PRKD1: variants seen among roughly 807,000 people sequenced by gnomAD.
PRKD1 encodes protein kinase D1, also known as serine/threonine-protein kinase D1.
In PRKD1, 63 loss-of-function variants were observed where a neutral mutation model predicts 95.9. The ratio of observed to expected loss-of-function variants is 0.66; its 90% confidence interval spans 0.54 to 0.81. The LOEUF (loss-of-function observed/expected upper bound fraction) is 0.81. PRKD1 is among the 30% of genes least tolerant of loss of function. The probability of loss-of-function intolerance (pLI) is 0.00; values close to 1 mark genes in which losing one functional copy is unlikely to be tolerated. For synonymous variants in PRKD1, 425 were observed against 423.1 expected, an observed-to-expected ratio of 1.00 and a Z score of -0.05; for missense variants, 1,048 against 1,165.3, an observed-to-expected ratio of 0.90 and a Z score of 1.47.
chr14:29,750,616 G>GCGCACACACACA (rs72239992), intron 1 of PRKD1, among the ~76,000 whole-genome samples: 3 of 148,482 alleles, frequency 2.0e-5, no homozygotes, highest in Non-Finnish European at 3.0e-5. Flanking sequence ...ATGAACGCGC[G>GCGCACACACACA]CACACACACA....
intron 1 of PRKD1, among the ~76,000 whole-genome samples, chr14:29,854,897 C>A (rs1892439090): frequency 1.3e-5 from 2 of 152,190 alleles, no homozygotes; most frequent in Non-Finnish European, 2.9e-5. Flanking sequence ...AGGGTTGAAG[C>A]CCCAAGTCTT....
intron 16 of PRKD1, among the ~76,000 whole-genome samples, chr14:29,580,140 C>A (rs1289694111): frequency 2.6e-5 from 4 of 152,218 alleles, no homozygotes; most frequent in Non-Finnish European, 5.9e-5. Context: ...GTTTGGAATT[C>A]TGTAATTAGA....
At position 29,869,218 on chromosome 14, in the gene PRKD1, G is replaced by C. The variant is rs548557819; in HGVS notation, c.264+58031C>G. On this transcript the variant is annotated intron_variant, in intron 1 of 17. Transcript: ENST00000331968. ...AGCACTTTGGGAGGCCGAGGAGGAT[G>C]GATCACCTGAGATTAGGAGTTTGAG... Among the ~76,000 whole-genome samples the C allele has an allele frequency of 2.0e-5, 3 of 152,160 alleles. No homozygotes were observed. The East Asian group carries it at 5.8e-4, about 29-fold the overall frequency.
At chr14:29,671,563 T>G (rs1416489988) in intron 2 of PRKD1, among the ~76,000 whole-genome samples, 5 of 151,648 alleles carry the variant, frequency 3.3e-5, no homozygotes, top group Non-Finnish European at 5.9e-5. Context: ...TATTTTTGTT[T>G]TTATCTTTTC....
intron 1 of PRKD1, among the ~76,000 whole-genome samples, chr14:29,849,951 C>G (rs552299129): frequency 6.6e-6 from 1 of 152,144 alleles, no homozygotes; most frequent in African/African-American, 2.4e-5. Flanking sequence ...AAACAAAAAC[C>G]ATAAAATCAT....
chr14:29,892,845 A>G lies in PRKD1; in HGVS notation c.264+34404T>C, dbSNP rs553740873. On this transcript the variant is annotated intron_variant, in intron 1 of 17. Transcript: ENST00000331968. ...TAGATGGCTTCATGCACTGCTTACA[A>G]ATAAGAATCTGTCAACATTTCCACC... Among the ~76,000 whole-genome samples the G allele has an allele frequency of 2.6e-5, 4 of 152,314 alleles. No homozygotes were observed. The East Asian group carries it at 5.8e-4, about 22-fold the overall frequency.
At chr14:29,819,205 G>A (rs751073760) in intron 1 of PRKD1, among the ~76,000 whole-genome samples, 1 of 152,090 alleles carries the variant, frequency 6.6e-6, no homozygotes, top group Non-Finnish European at 1.5e-5. Flanking sequence ...ATAAATGGTA[G>A]GTTAAGGTAC....
chr14:29,731,025 GGTAA>G (rs1566566730), intron 1 of PRKD1, among the ~76,000 whole-genome samples: 3 of 152,018 alleles, frequency 2.0e-5, no homozygotes, highest in African/African-American at 4.8e-5. Context: ...ACAAAAAAAA[GGTAA>G]GTAAGTGAGG....
chr14:29,892,322 G>A (rs1893965525), intron 1 of PRKD1, among the ~76,000 whole-genome samples: 1 of 151,264 alleles, frequency 6.6e-6, no homozygotes, highest in South Asian at 2.1e-4. Context: ...TTTCTTTAAA[G>A]AACTCAAGTT....
At chr14:29,813,112 A>G (rs1291714263) in intron 1 of PRKD1, among the ~76,000 whole-genome samples, 2 of 152,202 alleles carry the variant, frequency 1.3e-5, no homozygotes, top group Non-Finnish European at 2.9e-5. Context: ...CTCTGTCTCA[A>G]AAAAACAACA....
intron 1 of PRKD1, among the ~76,000 whole-genome samples, chr14:29,811,652 G>A (rs1890489575): frequency 6.6e-6 from 1 of 152,212 alleles, no homozygotes; most frequent in Non-Finnish European, 1.5e-5. Flanking sequence ...TGTTGCGCAG[G>A]AGCAGGGAAG....
intron 2 of PRKD1, among the ~76,000 whole-genome samples, chr14:29,707,504 A>G (rs1885148107): frequency 6.6e-6 from 1 of 152,228 alleles, no homozygotes; most frequent in African/African-American, 2.4e-5. Context: ...AATAAAGTAG[A>G]AAGATAATGT....
intron 4 of PRKD1, among the ~76,000 whole-genome samples, chr14:29,647,367 G>T (rs1881192169): frequency 6.6e-6 from 1 of 152,148 alleles, no homozygotes; most frequent in South Asian, 2.1e-4. Context: ...GAAAGCACCA[G>T]AACTGTTCAA....
chr14:29,884,939 A>G (rs779863642), intron 1 of PRKD1, among the ~76,000 whole-genome samples: 3 of 151,992 alleles, frequency 2.0e-5, no homozygotes, highest in Non-Finnish European at 4.4e-5. Context: ...TGGCTAACAC[A>G]GTGAAACCCC....
At chr14:29,699,092 A>G (rs1031145069) in intron 2 of PRKD1, among the ~76,000 whole-genome samples, 3 of 152,210 alleles carry the variant, frequency 2.0e-5, no homozygotes, top group Non-Finnish European at 4.4e-5. Context: ...TTGGTTACCA[A>G]TGGGTACTTA....
intron 1 of PRKD1, among the ~76,000 whole-genome samples, chr14:29,912,605 C>T (rs749139226): frequency 6.6e-6 from 1 of 152,356 alleles, no homozygotes; most frequent in Non-Finnish European, 1.5e-5. Context: ...ACAGTCCGTA[C>T]ATTCCTATTT....
chr14:29,606,334 T>C (rs1048590458), intron 13 of PRKD1, among the ~76,000 whole-genome samples: 2 of 152,144 alleles, frequency 1.3e-5, no homozygotes, highest in African/African-American at 4.8e-5. Flanking sequence ...TTTTGATAAA[T>C]ACTAATAATA....
intron 4 of PRKD1, among the ~76,000 whole-genome samples, chr14:29,655,121 CCTT>C (rs1411106106): frequency 6.6e-6 from 1 of 152,156 alleles, no homozygotes; most frequent in Non-Finnish European, 1.5e-5. Context: ...TGTTTCCTGT[CCTT>C]CTTTGGCTTC....
intron 16 of PRKD1, 142 bp from the exon 17 acceptor site, chr14:29,578,502 T>A (rs1892642740): frequency 4.0e-6 from 1 of 247,080 alleles, no homozygotes; most frequent in Non-Finnish European, 6.9e-6. Flanking sequence ...AAAATCCTCT[T>A]AAGAATACTG....
Sources: gnomAD v4.1 joint callset for allele counts (sites outside exome capture counted in the v4.1 genomes callset) on GRCh38, gnomAD v4.1.1 for gene constraint, MANE v1.5 for transcripts, NCBI Gene and HGNC (gene_info 2026-07-23, HGNC 2026-07-21) for gene names.